The following GNAQ variants were observed in gnomAD, a reference collection of about 807,000 sequenced individuals.
GNAQ encodes guanine nucleotide-binding protein G(q) subunit alpha.
GNAQ carries 8 observed loss-of-function variants against 43.9 expected under a neutral mutation model. The ratio of observed to expected loss-of-function variants is 0.18; its 90% CI spans 0.11 to 0.33. The LOEUF is 0.33. Ranked by LOEUF, GNAQ falls within the 10% of genes least tolerant of loss-of-function variation. The pLI is 1.00. For synonymous variants in GNAQ, 155 were observed against 170.7 expected (o/e 0.91, Z 0.71); for missense variants, 158 against 450.8 (o/e 0.35, Z 5.88).
intron 2 of GNAQ, among the ~76,000 whole-genome samples, chr9:77,873,349 A>C (rs1480492202): frequency 6.6e-6 from 1 of 152,230 alleles, no homozygotes; most frequent in Non-Finnish European, 1.5e-5. Flanking sequence ...AAGGGAAATA[A>C]ATGCTTATGT....
At chr9:77,869,692 C>T (rs919400106) in intron 2 of GNAQ, among the ~76,000 whole-genome samples, 6 of 152,112 alleles carry the variant, frequency 3.9e-5, no homozygotes, top group African/African-American at 1.4e-4. Flanking sequence ...AATTTGGCCA[C>T]TTCCTACCTA....
At chr9:77,818,087 C>A (rs1171055405) in intron 2 of GNAQ, among the ~76,000 whole-genome samples, 1 of 152,152 alleles carries the variant, frequency 6.6e-6, no homozygotes, top group African/African-American at 2.4e-5. Context: ...AAATTAACCT[C>A]TACAGTGTAA....
Position 77,767,853 on chromosome 9 carries a change from C to G in GNAQ, c.735+26610G>C, listed in dbSNP as rs369471029. Among the ~76,000 whole-genome samples the G allele has an allele frequency of 3.8e-4, 58 of 152,292 alleles. No homozygotes were observed. The East Asian group carries it at 4.3e-3, about 11-fold the overall frequency. ...GGTGCCCACCTACAACCTGCCCCTTCTGCAAGAGTACCCTAATATACTCTC... is the reference window on the plus strand; with the variant it reads ...GGTGCCCACCTACAACCTGCCCCTTGTGCAAGAGTACCCTAATATACTCTC... On this transcript the variant is annotated intron_variant, in intron 5 of 6. Coordinates refer to ENST00000286548, the MANE Select transcript of GNAQ (RefSeq NM_002072.5).
At chr9:77,906,365 G>A (rs1434059699) in intron 2 of GNAQ, among the ~76,000 whole-genome samples, 1 of 152,064 alleles carries the variant, frequency 6.6e-6, no homozygotes, top group Non-Finnish European at 1.5e-5. Flanking sequence ...GTAACGACGT[G>A]GTAAAAACAG....
intron 2 of GNAQ, among the ~76,000 whole-genome samples, chr9:77,919,747 G>A (rs767412328): frequency 6.6e-5 from 10 of 152,208 alleles, no homozygotes; most frequent in Non-Finnish European, 1.5e-4. Context: ...GAGGATTTAT[G>A]AGGATAATTA....
intron 1 of GNAQ, among the ~76,000 whole-genome samples, chr9:77,966,775 C>T (rs1008756497): frequency 2.6e-4 from 39 of 152,192 alleles, no homozygotes; most frequent in Admixed American, 2.4e-3. Flanking sequence ...AAATGAAATA[C>T]TAATCCTTGG....
chr9:77,862,444 A>C (rs1827869856), intron 2 of GNAQ, among the ~76,000 whole-genome samples: 1 of 152,158 alleles, frequency 6.6e-6, no homozygotes, highest in Non-Finnish European at 1.5e-5. Context: ...GGCTAATACT[A>C]TGTGGAAGCT....
At chr9:77,981,465 C>A (rs745441199) in intron 1 of GNAQ, among the ~76,000 whole-genome samples, 8 of 152,170 alleles carry the variant, frequency 5.3e-5, no homozygotes, top group Non-Finnish European at 7.3e-5. Flanking sequence ...TCCAGTCATG[C>A]AGAAGGTGTG....
intron 1 of GNAQ, among the ~76,000 whole-genome samples, chr9:77,934,161 C>T (rs540452475): frequency 4.6e-5 from 7 of 152,174 alleles, no homozygotes; most frequent in South Asian, 2.1e-4. Flanking sequence ...CCTCCCAGCC[C>T]GCCCACAGGA....
At chr9:77,759,890 CTTTT>C (rs1280103444) in intron 5 of GNAQ, among the ~76,000 whole-genome samples, 3 of 92,892 alleles carry the variant, frequency 3.2e-5, no homozygotes, top group Non-Finnish European at 5.3e-5. Flanking sequence ...TTTTCTCTCT[CTTTT>C]TTTCTTTCTT....
chr9:77,933,263 A>G (rs1829178227), intron 1 of GNAQ, among the ~76,000 whole-genome samples: 1 of 152,146 alleles, frequency 6.6e-6, no homozygotes, highest in South Asian at 2.1e-4. Flanking sequence ...CTGATTTGCA[A>G]TTTCACTTCC....
rs116539254 is a variant in GNAQ at position 77,838,464 on chromosome 9, G to A, written c.322-22694C>T. Among the ~76,000 whole-genome samples, 1,267 of 151,184 alleles carry A rather than the reference G, an allele frequency of 8.4e-3. 16 individuals are homozygous for A. The highest frequency in any genetic ancestry group is 0.029 in the African/African-American group (1,204 of 41,262). ...GCCAAGATCCTTAAAGTAAAACGTT[G>A]TTGCTCACGTATTTTCAGTTTTGTG... On this transcript the variant is annotated intron_variant, in intron 2 of 6. Transcript: ENST00000286548.
intron 2 of GNAQ, among the ~76,000 whole-genome samples, chr9:77,888,683 A>C (rs1828349535): frequency 1.3e-5 from 2 of 152,126 alleles, no homozygotes; most frequent in African/African-American, 4.8e-5. Context: ...TTTATTCTTC[A>C]CGTGGAACGC....
intron 1 of GNAQ, among the ~76,000 whole-genome samples, chr9:77,992,210 G>A (rs906738664): frequency 1.3e-5 from 2 of 152,124 alleles, no homozygotes; most frequent in Non-Finnish European, 2.9e-5. Flanking sequence ...GTTCCCTCTT[G>A]TTTTACCTCT....
chr9:77,784,730 C>T (rs1210207244), intron 5 of GNAQ, among the ~76,000 whole-genome samples: 3 of 152,084 alleles, frequency 2.0e-5, no homozygotes, highest in Non-Finnish European at 2.9e-5. Flanking sequence ...TAACAACGGA[C>T]GTGCATCACT....
rs532293331 is a variant in GNAQ at position 77,935,882 on chromosome 9, A to G, written c.137-13537T>C. Among the ~76,000 whole-genome samples the G allele has an allele frequency of 7.9e-5, 12 of 152,270 alleles. No individual in the cohort carries two copies. In the South Asian group the frequency reaches 2.5e-3, roughly 32 times the overall value. ...GTTTCTTCAGAAACAGCAATAGTCA[A>G]CCTAAGCCTAAAATAAATAAATGCG... On this transcript the variant is annotated intron_variant, in intron 1 of 6. Coordinates refer to ENST00000286548, the MANE Select transcript of GNAQ (RefSeq NM_002072.5).
chr9:77,927,558 T>G (rs1829087232), intron 1 of GNAQ, among the ~76,000 whole-genome samples: 1 of 151,996 alleles, frequency 6.6e-6, no homozygotes, highest in Non-Finnish European at 1.5e-5. Flanking sequence ...TCTACATGGT[T>G]TATCATCTTT....
rs879396457 is a variant in GNAQ, at chr9:78,023,949, T to TAC, written c.136+7149_136+7150dup. Among the ~76,000 whole-genome samples, 136 of 151,892 alleles carry TAC rather than the reference T, an allele frequency of 9.0e-4. 1 individual carries two copies. The highest frequency in any genetic ancestry group is 2.7e-3 in the African/African-American group (110 of 41,416). On this transcript the variant is annotated intron_variant, in intron 1 of 6. Transcript: ENST00000286548. ...CACACATATTGTATATGTGTGTATA[T>TAC]ACACACACACACACTATAATGGCAT... is the stretch of plus-strand genomic sequence containing the variant.
chr9:77,788,259 C>G (rs555060518), intron 5 of GNAQ, among the ~76,000 whole-genome samples: 1 of 152,180 alleles, frequency 6.6e-6, no homozygotes, highest in African/African-American at 2.4e-5. Context: ...TTACAAACAA[C>G]CCAACTGGCT....
Sources: allele counts gnomAD v4.1 joint callset (sites outside exome capture counted in the v4.1 genomes callset), GRCh38; gene constraint gnomAD v4.1.1; transcripts MANE v1.5; gene names NCBI Gene and HGNC (gene_info 2026-07-23, HGNC 2026-07-21).